KLRG1: variants seen among roughly 807,000 people sequenced by gnomAD.
The protein encoded by KLRG1 is killer cell lectin like receptor G1.
KLRG1 carries 16 observed loss-of-function variants against 21.8 expected under a neutral mutation model. The ratio of observed to expected loss-of-function variants is 0.73; its 90% confidence interval spans 0.50 to 1.11. The LOEUF (loss-of-function observed/expected upper bound fraction) is 1.11. Among genes scored for constraint, KLRG1 ranks in the 50% most tolerant of loss-of-function variants. KLRG1 has a pLI of 0.00. For missense variants in KLRG1, 173 were observed against 218.3 expected, an observed-to-expected ratio of 0.79 and a Z score of 1.31; for synonymous variants, 69 against 75.9, an observed-to-expected ratio of 0.91 and a Z score of 0.47.
chr12:9,201,207 G>T, the KLRG1 span: 1 of 1,324,848 alleles, frequency 7.5e-7, no homozygotes, highest in Non-Finnish European at 1.1e-6. Context: ...TGACAACTGG[G>T]AGTAGGAGGA....
chr12:8,989,440 CA>C, upstream of KLRG1: 7 of 503,640 alleles, frequency 1.4e-5, no homozygotes, highest in East Asian at 3.6e-5. Context: ...TGTCATGGGG[CA>C]AAAAAATAGC....
the KLRG1 span, among the ~76,000 whole-genome samples, chr12:9,146,310 A>G: frequency 4.6e-5 from 7 of 151,442 alleles, no homozygotes; most frequent in Non-Finnish European, 7.4e-5. Context: ...TTTGCTATTG[A>G]ACTCTTATAG....
chr12:9,112,114 C>A, the KLRG1 span: 568 of 1,598,272 alleles, frequency 3.6e-4, 1 homozygote, highest in African/African-American at 6.2e-3. Context: ...GGTTCCCAGC[C>A]TGTTTATACA....
At chr12:9,147,889 C>G in the KLRG1 span, among the ~76,000 whole-genome samples, 1 of 152,094 alleles carries the variant, frequency 6.6e-6, no homozygotes, top group African/African-American at 2.4e-5. Context: ...GAGACCTTGA[C>G]TTGTTTTATG....
chr12:9,098,714 G>T, the KLRG1 span: 1 of 1,612,870 alleles, frequency 6.2e-7, no homozygotes, highest in South Asian at 1.1e-5. Context: ...AGGTGGGCGT[G>T]TGAGGCTGGG....
intron 3 of KLRG1, among the ~76,000 whole-genome samples, chr12:9,005,923 C>T (rs1284767467): frequency 1.3e-5 from 2 of 152,262 alleles, no homozygotes; most frequent in Non-Finnish European, 2.9e-5. Flanking sequence ...GTAATGCTGG[C>T]CCGCCTAGCC....
chr12:8,986,617 T>C (rs1170733854), upstream of KLRG1, among the ~76,000 whole-genome samples: 2 of 152,088 alleles, frequency 1.3e-5, no homozygotes, highest in Non-Finnish European at 1.5e-5. Context: ...ATTAAAAGAC[T>C]GGAAGATCCT....
At chr12:8,958,194 G>A (rs117902159) in intron 1 of KLRG1, among the ~76,000 whole-genome samples, 3,133 of 152,212 alleles carry the variant, frequency 0.021, 62 homozygotes, top group Admixed American at 0.041. Flanking sequence ...CAGTGTGCCC[G>A]GTCTGTGATC....
the KLRG1 span, chr12:9,153,118 G>A: frequency 6.2e-7 from 1 of 1,613,528 alleles, no homozygotes; most frequent in Non-Finnish European, 8.5e-7. Flanking sequence ...TAAGCTTGGA[G>A]CCCTACCTGA....
chr12:9,211,139 A>C, the KLRG1 span, among the ~76,000 whole-genome samples: 2 of 152,134 alleles, frequency 1.3e-5, no homozygotes, highest in Non-Finnish European at 2.9e-5. Context: ...CCATATTGCC[A>C]CCAATACTCT....
At chr12:9,146,353 A>G in the KLRG1 span, among the ~76,000 whole-genome samples, 18 of 151,830 alleles carry the variant, frequency 1.2e-4, no homozygotes, top group African/African-American at 3.9e-4. Flanking sequence ...CTTCAGCTCA[A>G]TGATTTCTGC....
At chr12:9,089,398 G>A in the KLRG1 span, 42 of 651,270 alleles carry the variant, frequency 6.4e-5, no homozygotes, top group Admixed American at 4.3e-4. Flanking sequence ...AGCAATATAC[G>A]TAGGAGGTAG....
At chr12:9,202,726 T>A in the KLRG1 span, 2 of 1,563,982 alleles carry the variant, frequency 1.3e-6, no homozygotes, top group Non-Finnish European at 1.7e-6. Flanking sequence ...AACTGTGCAG[T>A]CTTCTCCCTC....
chr12:9,087,089 G>A, the KLRG1 span, among the ~76,000 whole-genome samples: 2 of 151,924 alleles, frequency 1.3e-5, no homozygotes, highest in African/African-American at 4.8e-5. Flanking sequence ...AATGTACAGT[G>A]AAAATTATAA....
chr12:8,980,093 G>A (rs921951642), intron 1 of KLRG1, among the ~76,000 whole-genome samples: 2 of 151,952 alleles, frequency 1.3e-5, no homozygotes, highest in African/African-American at 4.8e-5. Context: ...TAGAGACAGG[G>A]TTTCACCATG....
At chr12:9,055,504 T>G in the KLRG1 span, 1 of 152,250 alleles carries the variant, frequency 6.6e-6, no homozygotes, top group Non-Finnish European at 1.5e-5. Flanking sequence ...GATGCCATTA[T>G]TTGTTTATTG....
chr12:9,197,630 T>A, the KLRG1 span, among the ~76,000 whole-genome samples: 1 of 71,788 alleles, frequency 1.4e-5, no homozygotes, highest in African/African-American at 5.6e-5. Flanking sequence ...ATATATTATA[T>A]TATATATTAT....
At chr12:8,954,739 C>T (rs540771637) in intron 1 of KLRG1, among the ~76,000 whole-genome samples, 7 of 151,922 alleles carry the variant, frequency 4.6e-5, no homozygotes, top group Non-Finnish European at 1.0e-4. Context: ...ACCAAGTTCC[C>T]ATTATATTCA....
At chr12:9,157,703 G>A in the KLRG1 span, 1 of 1,420,444 alleles carries the variant, frequency 7.0e-7, no homozygotes, top group South Asian at 1.2e-5. Context: ...CCTTAGCAGG[G>A]TGGCATTCCA....
Sources: allele counts gnomAD v4.1 joint callset (sites outside exome capture counted in the v4.1 genomes callset), GRCh38; gene constraint gnomAD v4.1.1; transcripts MANE v1.5; gene names NCBI Gene and HGNC (gene_info 2026-07-23, HGNC 2026-07-21).